The following GRAMD4 variants were observed in gnomAD, a reference collection of about 807,000 sequenced individuals.
The protein encoded by GRAMD4 is GRAM domain-containing protein 4.
In GRAMD4, 25 loss-of-function variants were observed where a neutral mutation model predicts 83.9. The ratio of observed to expected loss-of-function variants is 0.30; its 90% CI spans 0.22 to 0.42. GRAMD4 has a LOEUF of 0.42. Among genes scored for constraint, GRAMD4 ranks in the 10% least tolerant of loss-of-function variants. GRAMD4 has a pLI of 1.00. For synonymous variants in GRAMD4, 336 were observed against 320.9 expected (o/e 1.05, Z -0.50); for missense variants, 593 against 788.7 (o/e 0.75, Z 2.97).
intron 8 of GRAMD4, among the ~76,000 whole-genome samples, chr22:46,665,254 G>C (rs916663721): frequency 6.6e-6 from 1 of 152,214 alleles, no homozygotes; most frequent in African/African-American, 2.4e-5. Context: ...CACCTGGCTC[G>C]CCCTCAGCAG....
intron 1 of GRAMD4, among the ~76,000 whole-genome samples, chr22:46,610,216 C>T (rs1321633611): frequency 1.3e-5 from 2 of 152,200 alleles, no homozygotes; most frequent in East Asian, 1.9e-4. Context: ...CTGTGATGCG[C>T]GGGCCACTTA....
rs573987232 is a variant in GRAMD4 at position 46,677,963 on chromosome 22, G to A, written c.*712G>A. The A allele has an allele frequency of 2.2e-5, 22 of 985,260 alleles. No homozygotes were observed. The South Asian group carries it at 2.8e-4, about 13-fold the overall frequency. The allele number at this position is 985,260 out of a possible 1,614,324, so 61.0% of individuals were successfully genotyped here. A position where few individuals can be genotyped will look rare whatever the true frequency, so the allele number is the denominator to read the frequency against. ...GCTGGCCTCCAGGGCGCTCAGCACC[G>A]CGTCTGTAAGGGCCTGCCTGCTGCT... On this transcript the variant is annotated 3_prime_UTR_variant, in exon 19 of 19. Transcript: ENST00000406902.
chr22:46,646,872 G>C (rs2082079522), intron 3 of GRAMD4, among the ~76,000 whole-genome samples: 3 of 152,210 alleles, frequency 2.0e-5, no homozygotes, highest in Admixed American at 1.3e-4. Context: ...CATGGCGGAA[G>C]GCAAGGAGGA....
At position 46,679,176 on chromosome 22, in the gene GRAMD4, GTCCGGGGCC is replaced by G; in HGVS notation, c.*1928_*1936del. Reference sequence around the variant, plus strand: ...AGGGCCCGGCAGTGCCCAAGGATGGGTCCGGGGCCTCGGGGCCAATGAGCGCCTCTTCCT... The same window carrying G: ...AGGGCCCGGCAGTGCCCAAGGATGGGTCGGGGCCAATGAGCGCCTCTTCCT... On this transcript the variant is annotated 3_prime_UTR_variant, in exon 19 of 19. Coordinates refer to ENST00000406902, the MANE Select transcript of GRAMD4 (RefSeq NM_015124.5). The G allele has an allele frequency of 3.1e-6, 3 of 980,732 alleles. No individual in the cohort carries two copies. The highest frequency in any genetic ancestry group is 3.6e-6 in the Non-Finnish European group (3 of 825,320). 60.8% of individuals were successfully genotyped at this position (980,732 alleles called of 1,614,324 possible).
chr22:46,674,395 A>G (rs1256342760), intron 15 of GRAMD4, among the ~76,000 whole-genome samples: 1 of 152,150 alleles, frequency 6.6e-6, no homozygotes, highest in Non-Finnish European at 1.5e-5. Flanking sequence ...TCCCGGCCAC[A>G]CTGTGACTTC....
rs550955541 is a variant in GRAMD4, at chr22:46,672,411, G to A, written c.1085-432G>A. Among the ~76,000 whole-genome samples, 19 of 152,194 alleles carry A rather than the reference G, an allele frequency of 1.2e-4. No homozygotes were observed. The East Asian group carries it at 3.3e-3, about 26-fold the overall frequency. ...AGTTGAAGAAGGGCAGGTGGGAGGG[G>A]GTTTGGGGAGGGATTGCCATGGAGG... On this transcript the variant is annotated intron_variant, in intron 13 of 18. Transcript: ENST00000406902. The surrounding 1 kb of genome is among the most constrained non-coding windows in gnomAD (Gnocchi z 4.7).
chr22:46,610,470 T>A (rs963962548), intron 1 of GRAMD4, among the ~76,000 whole-genome samples: 1 of 152,134 alleles, frequency 6.6e-6, no homozygotes, highest in Non-Finnish European at 1.5e-5. Context: ...CACAGCAGAG[T>A]TGGGAAGTTG....
At chr22:46,674,573 GAGTC>G in intron 15 of GRAMD4, 80 bp from the exon 16 acceptor site, 1 of 949,718 alleles carries the variant, frequency 1.1e-6, no homozygotes, top group Non-Finnish European at 1.7e-6. Context: ...CAGGATCTGA[GAGTC>G]AGGCTCCTGG....
At chr22:46,632,064 G>A (rs919594494) in intron 2 of GRAMD4, among the ~76,000 whole-genome samples, 23 of 152,266 alleles carry the variant, frequency 1.5e-4, no homozygotes, top group Non-Finnish European at 3.1e-4. Flanking sequence ...TCCTCCAGGT[G>A]TGCTCCGCTT....
intron 1 of GRAMD4, among the ~76,000 whole-genome samples, chr22:46,580,357 A>C (rs2081085447): frequency 6.6e-6 from 1 of 152,228 alleles, no homozygotes; most frequent in Non-Finnish European, 1.5e-5. Context: ...CTTTGGCACC[A>C]CGGTGGGTTT....
intron 1 of GRAMD4, among the ~76,000 whole-genome samples, chr22:46,601,238 G>A (rs970367222): frequency 6.6e-6 from 1 of 152,110 alleles, no homozygotes; most frequent in African/African-American, 2.4e-5. Context: ...TCAGGAGACA[G>A]CTTGTCTTCT....
chr22:46,597,048 C>T lies in GRAMD4; in HGVS notation c.-50+19758C>T, dbSNP rs569745533. On this transcript the variant is annotated intron_variant, in intron 1 of 1. Transcript: ENST00000431155. ...CTGGACTGGTTAAACCAGGTCTCCA[C>T]GCCTGCTTTCGATAAGTCCTGCCCT... Among the ~76,000 whole-genome samples the T allele has an allele frequency of 3.9e-4, 60 of 152,260 alleles. No homozygotes were observed. The South Asian group carries it at 0.012, about 30-fold the overall frequency.
intron 3 of GRAMD4, among the ~76,000 whole-genome samples, chr22:46,653,589 G>A (rs927428869): frequency 5.9e-5 from 9 of 152,226 alleles, no homozygotes; most frequent in African/African-American, 1.2e-4. Flanking sequence ...GCTCTGCCGC[G>A]TGGTGGAACC....
chr22:46,601,051 G>C (rs1393799292), intron 1 of GRAMD4, among the ~76,000 whole-genome samples: 1 of 152,152 alleles, frequency 6.6e-6, no homozygotes, highest in Non-Finnish European at 1.5e-5. Flanking sequence ...GACTGGGGCA[G>C]GAGAATCACT....
At chr22:46,663,204 C>A in intron 6 of GRAMD4, 32 bp downstream of exon 6, 1 of 1,596,202 alleles carries the variant, frequency 6.3e-7, no homozygotes, top group Non-Finnish European at 8.6e-7. Context: ...GCTGCCTGTG[C>A]GTTAGGGGCC....
chr22:46,680,145 CA>C (rs2082652764), downstream of GRAMD4, among the ~76,000 whole-genome samples: 1 of 152,188 alleles, frequency 6.6e-6, no homozygotes, highest in Non-Finnish European at 1.5e-5. Flanking sequence ...GCCTTGGGGT[CA>C]GGGGGCATGC....
chr22:46,593,125 C>T (rs2081226590), intron 1 of GRAMD4, among the ~76,000 whole-genome samples: 1 of 152,100 alleles, frequency 6.6e-6, no homozygotes, highest in Admixed American at 6.5e-5. Context: ...ACATCGATAT[C>T]TTGTTTACTG....
chr22:46,661,501 T>A, intron 5 of GRAMD4, 59 bp downstream of exon 5: 1 of 1,182,632 alleles, frequency 8.5e-7, no homozygotes, highest in Non-Finnish European at 1.2e-6. Context: ...GCGCGTCACC[T>A]GCTGGTTCTG....
chr22:46,638,136 C>T (rs1234282923), intron 3 of GRAMD4, among the ~76,000 whole-genome samples, 176 bp downstream of exon 3: 3 of 152,312 alleles, frequency 2.0e-5, no homozygotes, highest in African/African-American at 4.8e-5. Flanking sequence ...TGGGTGGTCC[C>T]GGCACAGCCT....
Sources: allele counts gnomAD v4.1 joint callset (sites outside exome capture counted in the v4.1 genomes callset), GRCh38; gene constraint gnomAD v4.1.1; non-coding constraint Gnocchi (gnomAD v3.1); transcripts MANE v1.5; gene names NCBI Gene and HGNC (gene_info 2026-07-23, HGNC 2026-07-21).